KCNN3: variants seen among roughly 807,000 people sequenced by gnomAD.
The protein encoded by KCNN3 is small conductance calcium-activated potassium channel protein 3.
Under a neutral mutation model 62.9 loss-of-function variants are expected in KCNN3, and 16 were observed. The ratio of observed to expected loss-of-function variants is 0.25; its 90% confidence interval spans 0.17 to 0.39. KCNN3 has a LOEUF of 0.39. KCNN3 is among the 10% of genes least tolerant of loss of function. The probability of loss-of-function intolerance (pLI) is 1.00; values close to 1 mark genes in which losing one functional copy is unlikely to be tolerated. For missense variants in KCNN3, 599 were observed against 949.4 expected (o/e 0.63, Z 4.85); for synonymous variants, 370 against 389.2 (o/e 0.95, Z 0.58).
At chr1:154,849,436 G>A (rs186951017) in intron 1 of KCNN3, among the ~76,000 whole-genome samples, 5 of 152,278 alleles carry the variant, frequency 3.3e-5, no homozygotes, top group East Asian at 1.9e-4. Context: ...TCCCTTTGCC[G>A]GCACATCACA....
chr1:154,774,329 G>C (rs967315796), intron 2 of KCNN3, among the ~76,000 whole-genome samples: 2 of 152,200 alleles, frequency 1.3e-5, no homozygotes, highest in African/African-American at 4.8e-5. Flanking sequence ...CACAAGAATT[G>C]ACTGAGCACC....
At position 154,704,228 on chromosome 1, in the gene KCNN3, T is replaced by C. The variant is rs1388855894; in HGVS notation, c.*3748A>G. Reference sequence around the variant, plus strand: ...TTGTTGTTCTACCACTGGCCCCTGCTGAGGTCGGTCAGTGGTGACTTGGGG... The same window carrying C: ...TTGTTGTTCTACCACTGGCCCCTGCCGAGGTCGGTCAGTGGTGACTTGGGG... On this transcript the variant is annotated 3_prime_UTR_variant, in exon 8 of 8. Coordinates refer to ENST00000271915, the MANE Select transcript of KCNN3 (RefSeq NM_002249.6). The C allele has an allele frequency of 6.6e-6, 1 of 152,266 alleles. No homozygotes were observed. Among genetic ancestry groups the C allele is most frequent in the Non-Finnish European group, 1.5e-5 (1 of 68,046 alleles). The allele number at this position is 152,266 out of a possible 1,614,324, so 9.4% of individuals were successfully genotyped here.
Position 154,869,857 on chromosome 1 carries a change from C to T in KCNN3, c.108G>A (p.Gln36=). 2 of 1,473,182 alleles carry T rather than the reference C, an allele frequency of 1.4e-6. No individual in the cohort carries two copies. The highest frequency in any genetic ancestry group is 1.8e-6 in the Non-Finnish European group (2 of 1,105,572). The allele number at this position is 1,473,182 out of a possible 1,614,324, so 91.3% of individuals were successfully genotyped here. A position where few individuals can be genotyped will look rare whatever the true frequency, so the allele number is the denominator to read the frequency against. ...GCGGTGGTGGCTGCTGCTGCTGTTG[C>T]TGCTGCTGCTGCTGCTGCTGCTCAT... is the stretch of plus-strand genomic sequence containing the variant. ...SGDEQQQQQQ[Q]QQQQQPPPPA... is the part of the protein sequence containing the mutation. Residue 36 remains glutamine, a synonymous_variant, in exon 1 of 8, where the codon CAG becomes CAA. Coordinates refer to ENST00000271915, the MANE Select transcript of KCNN3 (RefSeq NM_002249.6). This position sits in a 1 kb window ranked among gnomAD's most constrained non-coding sequence, Gnocchi z 6.1.
chr1:154,710,187 T>C (rs889056069), intron 7 of KCNN3, among the ~76,000 whole-genome samples: 11 of 152,290 alleles, frequency 7.2e-5, no homozygotes, highest in Middle Eastern at 3.4e-3. Flanking sequence ...CCACATGCCA[T>C]ATTCTTAATT....
chr1:154,714,555 T>TGTGA (rs1700185794), intron 6 of KCNN3, among the ~76,000 whole-genome samples: 1 of 72,046 alleles, frequency 1.4e-5, no homozygotes, highest in Admixed American at 1.5e-4. Flanking sequence ...TGTGTGTGTG[T>TGTGA]GGTGTGTGTG....
chr1:154,845,622 T>C (rs969460717), intron 1 of KCNN3, among the ~76,000 whole-genome samples: 2 of 152,096 alleles, frequency 1.3e-5, no homozygotes, highest in African/African-American at 4.8e-5. Flanking sequence ...AGCATTGCTG[T>C]GTGGCATGGG....
rs1272604205 is a variant in KCNN3, at chr1:154,707,269, G to C, written c.*707C>G. On this transcript the variant is annotated 3_prime_UTR_variant, in exon 8 of 8. Transcript: ENST00000271915. Reference sequence around the variant, plus strand: ...GGGTGCCTATTGTATGCAGGGTAAGGTGTCAAGTCCCTTTTTATTTGGATT... The same window carrying C: ...GGGTGCCTATTGTATGCAGGGTAAGCTGTCAAGTCCCTTTTTATTTGGATT... 1 of 152,196 alleles carries C rather than the reference G, an allele frequency of 6.6e-6. No homozygotes were observed. Among genetic ancestry groups the C allele is most frequent in the African/African-American group, 2.4e-5 (1 of 41,442 alleles). The allele number at this position is 152,196 out of a possible 1,614,324, so 9.4% of individuals were successfully genotyped here.
In KCNN3 at chr1:154,809,969, A is replaced by T. The variant is rs1650333491; in HGVS notation, c.1029+12120T>A. On this transcript the variant is annotated intron_variant, in intron 2 of 7. Coordinates refer to ENST00000271915, the MANE Select transcript of KCNN3 (RefSeq NM_002249.6). The surrounding 1 kb of genome is among the most constrained non-coding windows in gnomAD (Gnocchi z 4.3). ...TACTGACCTGATCCCAGTGGTGTGT[A>T]AGGGTCAGTGTGTCACCAGATCCCT... Among the ~76,000 whole-genome samples the T allele has an allele frequency of 6.6e-6, 1 of 152,186 alleles. No individual in the cohort carries two copies. Among genetic ancestry groups the T allele is most frequent in the Non-Finnish European group, 1.5e-5 (1 of 68,034 alleles).
chr1:154,752,490 C>T (rs751606693), intron 3 of KCNN3, among the ~76,000 whole-genome samples: 4 of 152,220 alleles, frequency 2.6e-5, no homozygotes, highest in East Asian at 1.9e-4. Context: ...GAGGACTCTG[C>T]GGGCAGCAGC....
chr1:154,815,953 ACAG>A (rs1203030833), intron 2 of KCNN3, among the ~76,000 whole-genome samples: 5 of 152,236 alleles, frequency 3.3e-5, no homozygotes, highest in African/African-American at 1.2e-4. Flanking sequence ...TGTCCCTGTG[ACAG>A]CACATTACAC....
intron 1 of KCNN3, among the ~76,000 whole-genome samples, chr1:154,823,033 A>G (rs1485310149): frequency 6.6e-6 from 1 of 152,192 alleles, no homozygotes; most frequent in African/African-American, 2.4e-5. Context: ...TCAGATGGAG[A>G]TAATATTCTG....
intron 3 of KCNN3, among the ~76,000 whole-genome samples, chr1:154,748,585 A>C (rs748469223): frequency 4.4e-4 from 67 of 152,364 alleles, no homozygotes; most frequent in Non-Finnish European, 7.5e-4. Flanking sequence ...ATCACGTGCC[A>C]TGTGGGCCAA....
chr1:154,792,067 A>C (rs1190733933), intron 2 of KCNN3, among the ~76,000 whole-genome samples: 1 of 152,184 alleles, frequency 6.6e-6, no homozygotes, highest in Admixed American at 6.5e-5. Context: ...AAGCCATAGA[A>C]AGTTCAGAAC....
At chr1:154,792,996 G>C (rs564698627) in intron 2 of KCNN3, among the ~76,000 whole-genome samples, 53 of 152,164 alleles carry the variant, frequency 3.5e-4, no homozygotes, top group Non-Finnish European at 5.7e-4. Context: ...CTTTAGTTGT[G>C]GTCCTCGGTT....
chr1:154,814,762 C>A (rs961732457), intron 2 of KCNN3, among the ~76,000 whole-genome samples: 5 of 152,208 alleles, frequency 3.3e-5, no homozygotes, highest in Admixed American at 6.5e-5. Context: ...GGTGTTCTGA[C>A]TTCTCGGGCC....
chr1:154,714,532 G>GT, intron 6 of KCNN3, among the ~76,000 whole-genome samples: 1 of 75,940 alleles, frequency 1.3e-5, no homozygotes, highest in Admixed American at 1.5e-4. Flanking sequence ...GTTTGTGTGT[G>GT]GTGTGTGTGG....
intron 1 of KCNN3, among the ~76,000 whole-genome samples, chr1:154,853,176 T>C (rs1438325354): frequency 6.6e-6 from 1 of 151,604 alleles, no homozygotes; most frequent in Non-Finnish European, 1.5e-5. Flanking sequence ...TCTGTAAAGA[T>C]GAGAGTCTTG....
chr1:154,787,065 C>T (rs1315333328), intron 2 of KCNN3, among the ~76,000 whole-genome samples: 1 of 152,216 alleles, frequency 6.6e-6, no homozygotes, highest in Non-Finnish European at 1.5e-5. Flanking sequence ...CCAAGGCCAG[C>T]CTCATTACCA....
At chr1:154,818,846 G>C (rs1218602) in intron 2 of KCNN3, among the ~76,000 whole-genome samples, 32,720 of 152,234 alleles carry the variant, frequency 0.21, 4,083 homozygotes, top group Middle Eastern at 0.41. Flanking sequence ...GAACAAGTAA[G>C]AATACTGTTC....
Sources: gnomAD v4.1 joint callset for allele counts (sites outside exome capture counted in the v4.1 genomes callset) on GRCh38, gnomAD v4.1.1 for gene constraint, Gnocchi (gnomAD v3.1) non-coding constraint, MANE v1.5 for transcripts, NCBI Gene and HGNC (gene_info 2026-07-23, HGNC 2026-07-21) for gene names.